Variants in PER2 observed in about 807,000 individuals in gnomAD.
PER2 encodes the protein period circadian protein homolog 2.
In PER2, 66 loss-of-function variants were observed where a neutral mutation model predicts 121.0. The observed-to-expected ratio is 0.55, with a 90% CI of 0.45 to 0.67. The LOEUF (loss-of-function observed/expected upper bound fraction) is 0.67, where lower values mean the gene tolerates loss of function less well. Among genes scored for constraint, PER2 ranks in the 30% least tolerant of loss-of-function variants. PER2 has a pLI of 0.00. For missense variants in PER2, 1,521 were observed against 1,635.0 expected (o/e 0.93, Z 1.20); for synonymous variants, 684 against 659.9 (o/e 1.04, Z -0.56).
At chr2:238,263,538 G>A (rs1240868476) in intron 9 of PER2, among the ~76,000 whole-genome samples, 2 of 152,024 alleles carry the variant, frequency 1.3e-5, no homozygotes, top group East Asian at 3.9e-4. Flanking sequence ...TTGGAGTCTC[G>A]GTGGCTGGCT....
chr2:238,265,729 A>C (rs1696072511), intron 8 of PER2, 139 bp from the exon 9 acceptor site: 4 of 656,372 alleles, frequency 6.1e-6, no homozygotes, highest in Admixed American at 2.3e-5. Flanking sequence ...GACTCTGAAC[A>C]ACAGAGACTG....
rs1447806195 is a variant in PER2 at position 238,274,197 on chromosome 2, C to T, written c.449-1006G>A. On this transcript the variant is annotated intron_variant, in intron 4 of 22. Transcript: ENST00000254657. ...CCCACGTCATCCTGGGTGTATCCGG[C>T]GGGCTCTGGGGTGACAAGCCTGTCT... Among the ~76,000 whole-genome samples, 14 of 152,336 alleles carry T rather than the reference C, an allele frequency of 9.2e-5. 1 individual carries two copies. Among genetic ancestry groups the T allele is most frequent in the Middle Eastern group, 6.8e-3 (2 of 294 alleles).
At chr2:238,251,895 C>T in intron 19 of PER2, 134 bp from the exon 20 acceptor site, 1 of 776,522 alleles carries the variant, frequency 1.3e-6, no homozygotes, top group East Asian at 2.6e-5. Flanking sequence ...GGTTCACGGC[C>T]AGGGACGGCC....
chr2:238,255,431 T>G (rs1695729915), intron 18 of PER2: 2 of 606,394 alleles, frequency 3.3e-6, no homozygotes, highest in Admixed American at 2.7e-5. Flanking sequence ...CCTCGGGCAC[T>G]AGCCTGGGAC....
chr2:238,257,274 A>G (rs1015863152), intron 16 of PER2, among the ~76,000 whole-genome samples, 188 bp from the exon 17 acceptor site: 4 of 152,230 alleles, frequency 2.6e-5, no homozygotes, highest in Non-Finnish European at 5.9e-5. Flanking sequence ...ATAGAAGAAT[A>G]GTGGAAAAGA....
intron 8 of PER2, among the ~76,000 whole-genome samples, chr2:238,266,288 CTT>C (rs1164812441): frequency 1.7e-3 from 244 of 140,758 alleles, no homozygotes; most frequent in South Asian, 2.8e-3. Flanking sequence ...ATTCAAATTT[CTT>C]TTTTTTTTTT....
intron 18 of PER2, 182 bp downstream of exon 18, chr2:238,255,475 A>G (rs1041749726): frequency 4.3e-6 from 3 of 691,432 alleles, no homozygotes; most frequent in Admixed American, 2.1e-5. Flanking sequence ...ACATCCCGAG[A>G]GCACCCCCCC....
rs1177749294 is a variant in PER2 at position 238,268,183 on chromosome 2, G to A, written c.840C>T (p.His280=). 24 of 1,613,882 alleles carry A rather than the reference G, an allele frequency of 1.5e-5. No homozygotes were observed. Among genetic ancestry groups the A allele is most frequent in the Non-Finnish European group, 1.9e-5 (22 of 1,179,988 alleles). ...FFCRVSVRKS[H]ENEIRYHPFR... is the part of the protein sequence containing the mutation. ...AGGGGTGGTAGCGGATTTCATTCTC[G>A]TGGCTTTTCCGGACACTGCGGAGAA... Residue 280 remains histidine, a synonymous_variant, in exon 8 of 23, where the codon CAC becomes CAT. Transcript: ENST00000254657. The surrounding 1 kb of genome is among the most constrained non-coding windows in gnomAD (Gnocchi z 4.0).
chr2:238,294,759 G>T (rs947648059), upstream of PER2, among the ~76,000 whole-genome samples: 2 of 152,194 alleles, frequency 1.3e-5, no homozygotes, highest in Non-Finnish European at 2.9e-5. Context: ...TGAAGCCTGA[G>T]AACCAGCTGG....
upstream of PER2, among the ~76,000 whole-genome samples, chr2:238,294,068 C>T (rs542948516): frequency 6.2e-4 from 95 of 152,316 alleles, no homozygotes; most frequent in African/African-American, 2.0e-3. Flanking sequence ...GGTGATGCCC[C>T]CTGTCTGAGG....
At chr2:238,284,252 G>A (rs1406031225) in intron 1 of PER2, among the ~76,000 whole-genome samples, 3 of 152,100 alleles carry the variant, frequency 2.0e-5, no homozygotes, top group African/African-American at 4.8e-5. Context: ...CAACCAGCCA[G>A]ACCAATATGG....
chr2:238,267,971 C>T (rs370701584), intron 8 of PER2, 85 bp downstream of exon 8: 76 of 1,484,170 alleles, frequency 5.1e-5, no homozygotes, highest in East Asian at 4.5e-4. Flanking sequence ...GGGAGTCCAT[C>T]GTACAGATGT....
intron 1 of PER2, among the ~76,000 whole-genome samples, chr2:238,285,135 G>T (rs949908216): frequency 4.3e-4 from 65 of 152,276 alleles, no homozygotes; most frequent in African/African-American, 1.4e-3. Flanking sequence ...GCGTGAACCT[G>T]CCCTTGAGGC....
intron 1 of PER2, among the ~76,000 whole-genome samples, chr2:238,282,275 G>A (rs1696652017): frequency 6.6e-6 from 1 of 152,068 alleles, no homozygotes; most frequent in Non-Finnish European, 1.5e-5. Context: ...AGATGCCTGG[G>A]CAGCCTGCAT....
rs1695786568 is a variant in PER2, at chr2:238,257,085, C to T, written c.1902G>A (p.Glu634=). The change falls in exon 17 of 23, where the codon GAG becomes GAA. Residue 634 remains glutamate (E), a splice_region_variant and synonymous_variant. Transcript: ENST00000254657. ...TGTTCACCCTGGAGGGCGGCTCTGC[C>T]TCTTCATGAGAGGAAGGGGGAACAA... ...ATVSPGPHAG[E]AEPPSRVNSR... is the part of the protein sequence containing the mutation. 6.2e-7 allele frequency: 1 copy of T among 1,611,480 alleles called. No individual in the cohort carries two copies. The highest frequency in any genetic ancestry group is 1.7e-5 in the Admixed American group (1 of 59,974).
chr2:238,250,483 CTTG>C (rs1695567047), intron 21 of PER2, 65 bp downstream of exon 21: 4 of 1,134,380 alleles, frequency 3.5e-6, no homozygotes, highest in South Asian at 2.6e-5. Context: ...TGACCTTGAC[CTTG>C]TTGTTTCTGG....
At chr2:238,278,551 C>A (rs1016349948) in intron 1 of PER2, among the ~76,000 whole-genome samples, 1 of 152,166 alleles carries the variant, frequency 6.6e-6, no homozygotes, top group Admixed American at 6.5e-5. Flanking sequence ...TAATCAACAC[C>A]CGGCCTGTGG....
At chr2:238,287,185 G>C (rs1329203778) in intron 1 of PER2, among the ~76,000 whole-genome samples, 1 of 152,156 alleles carries the variant, frequency 6.6e-6, no homozygotes, top group East Asian at 1.9e-4. Context: ...CTGTACCAAT[G>C]AATCATACCA....
Position 238,252,783 on chromosome 2 carries a change from C to T in PER2, c.3111+129G>A. ...GAATTTCTGGCACACACATTCATGG[C>T]AAAACCTACAGGGTTTGGTGGAAAC... On this transcript the variant is annotated intron_variant, in intron 19 of 22. Coordinates refer to ENST00000254657, the MANE Select transcript of PER2 (RefSeq NM_022817.3). The surrounding 1 kb of genome is among the most constrained non-coding windows in gnomAD (Gnocchi z 4.2). The T allele has an allele frequency of 1.2e-6, 1 of 851,232 alleles. No individual in the cohort carries two copies. The allele number at this position is 851,232 out of a possible 1,614,324, so 52.7% of individuals were successfully genotyped here. A position where few individuals can be genotyped will look rare whatever the true frequency, so the allele number is the denominator to read the frequency against.
Sources: gnomAD v4.1 joint callset for allele counts (sites outside exome capture counted in the v4.1 genomes callset) on GRCh38, gnomAD v4.1.1 for gene constraint, Gnocchi (gnomAD v3.1) non-coding constraint, MANE v1.5 for transcripts, NCBI Gene and HGNC (gene_info 2026-07-23, HGNC 2026-07-21) for gene names.